The following RNF150 variants were observed in gnomAD, a reference collection of about 807,000 sequenced individuals.
The protein encoded by RNF150 is ring finger protein 150.
RNF150 carries 24 observed loss-of-function variants against 39.3 expected under a neutral mutation model. That is an observed-to-expected ratio of 0.61 (90% CI 0.44 to 0.86). The LOEUF (loss-of-function observed/expected upper bound fraction) is 0.86, where lower values mean the gene tolerates loss of function less well. Ranked by LOEUF, RNF150 falls within the 40% of genes least tolerant of loss-of-function variation. The probability of loss-of-function intolerance (pLI) is 0.00; values close to 1 mark genes in which losing one functional copy is unlikely to be tolerated. For synonymous variants in RNF150, 255 were observed against 227.3 expected, an observed-to-expected ratio of 1.12 and a Z score of -1.10; for missense variants, 502 against 587.8, an observed-to-expected ratio of 0.85 and a Z score of 1.51.
intron 1 of RNF150, among the ~76,000 whole-genome samples, chr4:141,000,087 G>GAGAAGAAGAAGAAGA (rs138129349): frequency 2.8e-5 from 1 of 35,902 alleles, no homozygotes; most frequent in East Asian, 1.2e-3. Context: ...GAAGAAGAAG[G>GAGAAGAAGAAGAAGA]AGAAGAAGAA....
chr4:141,012,518 C>T (rs939240735), intron 1 of RNF150, among the ~76,000 whole-genome samples: 1 of 151,956 alleles, frequency 6.6e-6, no homozygotes, highest in African/African-American at 2.4e-5. Flanking sequence ...TCATTATAGA[C>T]CGGACGTGTT....
At chr4:141,136,078 G>A (rs1727022631), upstream of RNF150, among the ~76,000 whole-genome samples, 1 of 152,162 alleles carries the variant, frequency 6.6e-6, no homozygotes, top group Non-Finnish European at 1.5e-5. Flanking sequence ...GAGAAAAACA[G>A]AAGAACTGAT....
At chr4:140,979,737 G>A (rs1339038825) in intron 1 of RNF150, among the ~76,000 whole-genome samples, 13 of 152,014 alleles carry the variant, frequency 8.6e-5, no homozygotes, top group African/African-American at 2.9e-4. Flanking sequence ...AAAACAGCTG[G>A]GGACCATGAA....
At chr4:141,071,602 C>G (rs1385361868) in intron 1 of RNF150, among the ~76,000 whole-genome samples, 4 of 151,978 alleles carry the variant, frequency 2.6e-5, no homozygotes, top group Non-Finnish European at 5.9e-5. Context: ...AAATATGGTA[C>G]AAATCTAAAT....
chr4:141,152,427 A>G lies in RNF150; in HGVS notation c.-6+60367T>C, dbSNP rs530971705. ...GATAAAACGAATATGAACTATCTGA[A>G]TATTATTTTGACCTATGACATGACT... is the stretch of plus-strand genomic sequence containing the variant. On this transcript the variant is annotated intron_variant, in intron 1 of 7. Coordinates refer to the RNF150 transcript ENST00000420921. Among the ~76,000 whole-genome samples the G allele has an allele frequency of 3.9e-5, 6 of 152,352 alleles. No homozygotes were observed. The South Asian group carries it at 1.2e-3, about 32-fold the overall frequency.
chr4:140,899,972 CTCTG>C (rs1294778371), intron 6 of RNF150, among the ~76,000 whole-genome samples: 50 of 69,860 alleles, frequency 7.2e-4, no homozygotes, highest in African/African-American at 1.1e-3. Context: ...CTCTCTCTCT[CTCTG>C]TGTGTGTGTG....
intron 1 of RNF150, among the ~76,000 whole-genome samples, chr4:141,017,526 GT>G (rs1178586598): frequency 6.6e-6 from 1 of 152,104 alleles, no homozygotes; most frequent in Non-Finnish European, 1.5e-5. Context: ...GAAGTCCATA[GT>G]TTACATTTGG....
At chr4:141,043,826 A>G (rs893021915) in intron 1 of RNF150, among the ~76,000 whole-genome samples, 4 of 152,148 alleles carry the variant, frequency 2.6e-5, no homozygotes, top group Non-Finnish European at 4.4e-5. Flanking sequence ...AGGTAAAAAT[A>G]ATACTCAGTG....
chr4:141,123,679 C>A (rs1212114927), intron 1 of RNF150, among the ~76,000 whole-genome samples: 1 of 152,124 alleles, frequency 6.6e-6, no homozygotes, highest in African/African-American at 2.4e-5. Context: ...TTAGGTATAT[C>A]TCCTAATGCT....
chr4:140,969,369 T>C (rs1341522181), intron 1 of RNF150, among the ~76,000 whole-genome samples: 1 of 152,176 alleles, frequency 6.6e-6, no homozygotes, highest in Non-Finnish European at 1.5e-5. Flanking sequence ...TTTCTGGGAA[T>C]AACTGAAAGT....
chr4:140,988,905 A>T (rs953053140), intron 1 of RNF150, among the ~76,000 whole-genome samples: 1 of 152,186 alleles, frequency 6.6e-6, no homozygotes, highest in African/African-American at 2.4e-5. Flanking sequence ...TCACAAGGAC[A>T]AAAAACCAAA....
In RNF150 at chr4:140,993,646, G is replaced by A. The variant is rs190789506; in HGVS notation, c.485-25773C>T. On this transcript the variant is annotated intron_variant, in intron 1 of 6. Transcript: ENST00000515673. ...TTGTTTATGCAGCCTGGAGAACGAA[G>A]ATAGTTTATCATTTCCCTAAGGTCT... 1.5e-3 allele frequency among the ~76,000 whole-genome samples: 232 copies of A among 152,322 alleles called. No homozygotes were observed. In the South Asian group the frequency reaches 0.033, roughly 22 times the overall value.
intron 5 of RNF150, 44 bp downstream of exon 5, chr4:140,925,933 C>G (rs774324464): frequency 2.9e-6 from 4 of 1,380,362 alleles, no homozygotes; most frequent in Non-Finnish European, 4.1e-6. Context: ...GAGGGCAACG[C>G]AGAAAGACAG....
chr4:140,927,486 C>G (rs1731442389), intron 4 of RNF150, among the ~76,000 whole-genome samples: 1 of 152,044 alleles, frequency 6.6e-6, no homozygotes, highest in Non-Finnish European at 1.5e-5. Flanking sequence ...CACTCCCCAC[C>G]CCGCTTCCTT....
intron 1 of RNF150, among the ~76,000 whole-genome samples, chr4:141,158,283 T>C (rs1191283187): frequency 6.6e-6 from 1 of 151,790 alleles, no homozygotes; most frequent in African/African-American, 2.4e-5. Flanking sequence ...AGAGCAAAAT[T>C]CCATCCAAAA....
In RNF150 at chr4:140,861,894, G is replaced by T. The variant is rs1209705643; in HGVS notation, c.*6367C>A. ...TACTAAGGCCACAATTCATTTTTTA[G>T]ATTTCGGGATTTAGTAAGGTCAATC... is the stretch of plus-strand genomic sequence containing the variant. On this transcript the variant is annotated 3_prime_UTR_variant, in exon 7 of 7. Coordinates refer to ENST00000515673, the MANE Select transcript of RNF150 (RefSeq NM_020724.2). 6.6e-6 allele frequency: 1 copy of T among 152,146 alleles called. No homozygotes were observed. Among genetic ancestry groups the T allele is most frequent in the African/African-American group, 2.4e-5 (1 of 41,438 alleles). 9.4% of individuals were successfully genotyped at this position (152,146 alleles called of 1,614,324 possible). A position where few individuals can be genotyped will look rare whatever the true frequency, so the allele number is the denominator to read the frequency against.
intron 1 of RNF150, among the ~76,000 whole-genome samples, chr4:141,066,119 T>A (rs974171711): frequency 3.3e-5 from 5 of 152,084 alleles, no homozygotes; most frequent in South Asian, 2.1e-4. Context: ...GAGGGATGAA[T>A]CAGCAAAAAC....
At chr4:141,069,874 G>A (rs1481834183) in intron 1 of RNF150, among the ~76,000 whole-genome samples, 3 of 152,110 alleles carry the variant, frequency 2.0e-5, no homozygotes, top group Non-Finnish European at 4.4e-5. Flanking sequence ...TTCTCTGATG[G>A]TAGTTTGTAT....
intron 5 of RNF150, among the ~76,000 whole-genome samples, chr4:140,922,041 CCCTT>C (rs1731176903): frequency 3.1e-5 from 1 of 31,950 alleles, no homozygotes; most frequent in Admixed American, 4.5e-4. Flanking sequence ...TGGAAGCATT[CCCTT>C]TGAAAACTGG....
Sources: gnomAD v4.1 joint callset for allele counts (sites outside exome capture counted in the v4.1 genomes callset) on GRCh38, gnomAD v4.1.1 for gene constraint, MANE v1.5 for transcripts, NCBI Gene and HGNC (gene_info 2026-07-23, HGNC 2026-07-21) for gene names.